ADCY7: variants seen among roughly 807,000 people sequenced by gnomAD.
The protein encoded by ADCY7 is adenylate cyclase 7.
ADCY7 carries 72 observed loss-of-function variants against 120.6 expected under a neutral mutation model. The observed-to-expected ratio is 0.60, with a 90% CI of 0.49 to 0.73. ADCY7 has a LOEUF of 0.73. Among genes scored for constraint, ADCY7 ranks in the 30% least tolerant of loss-of-function variants. ADCY7 has a pLI of 0.00. For synonymous variants in ADCY7, 661 were observed against 628.0 expected, an observed-to-expected ratio of 1.05 and a Z score of -0.78; for missense variants, 1,227 against 1,486.0, an observed-to-expected ratio of 0.83 and a Z score of 2.87.
Position 50,250,432 on chromosome 16 carries a change from G to A in ADCY7, c.-64+4229G>A, listed in dbSNP as rs2032720810. On this transcript the variant is annotated intron_variant, in intron 1 of 4. Coordinates refer to the ADCY7 transcript ENST00000564044. Reference sequence around the variant, plus strand: ...AGATCACGACACTGCACTCCAGCCTGGGGGACAAAGCAAGACTCTATCTCA... The same window carrying A: ...AGATCACGACACTGCACTCCAGCCTAGGGGACAAAGCAAGACTCTATCTCA... Among the ~76,000 whole-genome samples, 4 of 149,054 alleles carry A rather than the reference G, an allele frequency of 2.7e-5. No individual in the cohort carries two copies. In the South Asian group the frequency reaches 8.5e-4, roughly 32 times the overall value.
chr16:50,311,127 T>C (rs1288786272), intron 19 of ADCY7, among the ~76,000 whole-genome samples: 1 of 152,176 alleles, frequency 6.6e-6, no homozygotes, highest in Non-Finnish European at 1.5e-5. Context: ...GGAAGGAGGC[T>C]GCAGCTCTAG....
chr16:50,310,612 T>C, intron 18 of ADCY7, 75 bp from the exon 19 acceptor site: 1 of 1,603,628 alleles, frequency 6.2e-7, no homozygotes, highest in Non-Finnish European at 8.5e-7. Flanking sequence ...AGTGGGGCTC[T>C]GTGGTATGTG....
Position 50,315,602 on chromosome 16 carries a change from A to G in ADCY7, c.*97A>G. On this transcript the variant is annotated 3_prime_UTR_variant, in exon 26 of 26. Coordinates refer to ENST00000673801, the MANE Select transcript of ADCY7 (RefSeq NM_001114.5). ...TCCGCCCCACGCCAATCCCAAAGGC[A>G]TGCAGATGGCTGTGCATGTTGGCTT... The G allele has an allele frequency of 6.8e-7, 1 of 1,466,986 alleles. No individual in the cohort carries two copies. Among genetic ancestry groups the G allele is most frequent in the Non-Finnish European group, 9.3e-7 (1 of 1,076,696 alleles). 90.9% of individuals were successfully genotyped at this position (1,466,986 alleles called of 1,614,324 possible). A position where few individuals can be genotyped will look rare whatever the true frequency, so the allele number is the denominator to read the frequency against.
chr16:50,310,630 G>A, intron 18 of ADCY7, 57 bp from the exon 19 acceptor site: 1 of 1,605,362 alleles, frequency 6.2e-7, no homozygotes, highest in Non-Finnish European at 8.5e-7. Flanking sequence ...GTGCTGGGCT[G>A]GAGGCGAGAG....
intron 1 of ADCY7, among the ~76,000 whole-genome samples, chr16:50,249,722 A>T (rs894117574): frequency 9.9e-5 from 15 of 152,196 alleles, no homozygotes; most frequent in Non-Finnish European, 2.1e-4. Flanking sequence ...AGGTAAGCAC[A>T]TTCTTTCTCT....
chr16:50,292,837 C>T lies in ADCY7; in HGVS notation c.687+12C>T. On this transcript the variant is annotated intron_variant, in intron 5 of 25. Coordinates refer to ENST00000673801, the MANE Select transcript of ADCY7 (RefSeq NM_001114.5). ...AGAAGCGCCAGCAGGTGGGACCCGG[C>T]CCCCACTCCTCACCCTGTACACCCC... 2 of 1,611,778 alleles carry T rather than the reference C, an allele frequency of 1.2e-6. No individual in the cohort carries two copies. The highest frequency in any genetic ancestry group is 1.7e-6 in the Non-Finnish European group (2 of 1,179,522).
chr16:50,304,646 C>T, intron 11 of ADCY7, 95 bp downstream of exon 11: 1 of 1,278,768 alleles, frequency 7.8e-7, no homozygotes, highest in Non-Finnish European at 1.1e-6. Flanking sequence ...CTCAGCCTCA[C>T]TGTCCCCATC....
chr16:50,300,832 C>T lies in ADCY7; in HGVS notation c.1194C>T (p.Asp398=), dbSNP rs1427899701. ...GGCAGTATGACGTGTGGTCCCACGACGTGTCCCTGGCCAACCGGATGGAGG... is the reference window on the plus strand; with the variant it reads ...GGCAGTATGACGTGTGGTCCCACGATGTGTCCCTGGCCAACCGGATGGAGG... ...RKWQYDVWSH[D]VSLANRMEAA... is the part of the protein sequence containing the mutation. The change falls in exon 9 of 26, where the codon GAC becomes GAT. Residue 398 remains aspartate (D), a synonymous_variant. Transcript: ENST00000673801. 1.8e-5 allele frequency: 28 copies of T among 1,558,130 alleles called. No homozygotes were observed. The highest frequency in any genetic ancestry group is 3.5e-5 in the South Asian group (3 of 84,522).
chr16:50,313,935 C>T, intron 22 of ADCY7, 23 bp from the exon 23 acceptor site: 1 of 1,595,700 alleles, frequency 6.3e-7, no homozygotes, highest in Non-Finnish European at 8.6e-7. Flanking sequence ...GCGGCTGCTT[C>T]ACCGCTTCCT....
chr16:50,308,966 A>C, intron 17 of ADCY7, 174 bp downstream of exon 17: 1 of 766,100 alleles, frequency 1.3e-6, no homozygotes, highest in Non-Finnish European at 1.9e-6. Flanking sequence ...TGGGTTCTCA[A>C]ATGCGGACTT....
intron 1 of ADCY7, among the ~76,000 whole-genome samples, chr16:50,268,815 T>C (rs2033377768): frequency 6.6e-6 from 1 of 152,220 alleles, no homozygotes; most frequent in East Asian, 1.9e-4. Flanking sequence ...GGTGGGCGGA[T>C]CACTTGAGCC....
At chr16:50,294,292 G>T (rs1272272983) in intron 6 of ADCY7, among the ~76,000 whole-genome samples, 2 of 152,204 alleles carry the variant, frequency 1.3e-5, no homozygotes, top group African/African-American at 4.8e-5. Flanking sequence ...TCACCAGGGA[G>T]TTCTGAAGTC....
chr16:50,290,728 A>C, intron 3 of ADCY7, 68 bp downstream of exon 3: 1 of 1,534,194 alleles, frequency 6.5e-7, no homozygotes, highest in Non-Finnish European at 8.9e-7. Context: ...GTTGGTGGGC[A>C]TGCCACAGGC....
Position 50,317,860 on chromosome 16 carries a change from A to AC in ADCY7, c.*2357dup, listed in dbSNP as rs1454003118. ...CTGAGTTAACTTTTGTGAAAATAAT[A>AC]CCTAAGGTTTTCTGGCTTATTGAGG... On this transcript the variant is annotated 3_prime_UTR_variant, in exon 26 of 26. Transcript: ENST00000673801. 6.6e-6 allele frequency: 1 copy of AC among 152,196 alleles called. No homozygotes were observed. Among genetic ancestry groups the AC allele is most frequent in the Non-Finnish European group, 1.5e-5 (1 of 68,002 alleles). The allele number at this position is 152,196 out of a possible 1,614,324, so 9.4% of individuals were successfully genotyped here. A position where few individuals can be genotyped will look rare whatever the true frequency, so the allele number is the denominator to read the frequency against.
intron 11 of ADCY7, among the ~76,000 whole-genome samples, 172 bp from the exon 12 acceptor site, chr16:50,304,753 C>G (rs2035951635): frequency 6.6e-6 from 1 of 152,230 alleles, no homozygotes; most frequent in Non-Finnish European, 1.5e-5. Context: ...CATCCCTGTC[C>G]TCCTTGATGC....
At chr16:50,301,836 GC>G (rs1303667419) in intron 10 of ADCY7, 5 of 153,150 alleles carry the variant, frequency 3.3e-5, no homozygotes. Flanking sequence ...AAGAATGTCG[GC>G]CCAGCCAGCG....
At chr16:50,309,951 T>G (rs2036342238) in intron 18 of ADCY7, among the ~76,000 whole-genome samples, 1 of 152,194 alleles carries the variant, frequency 6.6e-6, no homozygotes, top group Admixed American at 6.5e-5. Flanking sequence ...CTGACAGGCC[T>G]GTCACTATTT....
intron 1 of ADCY7, among the ~76,000 whole-genome samples, chr16:50,248,351 C>T (rs574631960): frequency 6.6e-6 from 1 of 152,330 alleles, no homozygotes; most frequent in East Asian, 1.9e-4. Flanking sequence ...GGAGAGGGGC[C>T]TATGTCCCCT....
At chr16:50,253,136 G>A (rs756933261) in intron 1 of ADCY7, among the ~76,000 whole-genome samples, 15 of 152,202 alleles carry the variant, frequency 9.9e-5, no homozygotes, top group Non-Finnish European at 1.9e-4. Flanking sequence ...CAGACATTTC[G>A]GTTGTTTCCA....
Sources: gnomAD v4.1 joint callset for allele counts (sites outside exome capture counted in the v4.1 genomes callset) on GRCh38, gnomAD v4.1.1 for gene constraint, MANE v1.5 for transcripts, NCBI Gene and HGNC (gene_info 2026-07-23, HGNC 2026-07-21) for gene names.